The following LSAMP variants were observed in gnomAD, a reference collection of about 807,000 sequenced individuals.
LSAMP encodes the protein limbic system associated membrane protein, also known as limbic system-associated membrane protein.
LSAMP carries 7 observed loss-of-function variants against 38.6 expected under a neutral mutation model. The ratio of observed to expected loss-of-function variants is 0.18; its 90% confidence interval spans 0.10 to 0.34. The LOEUF (loss-of-function observed/expected upper bound fraction) is 0.34, where lower values mean the gene tolerates loss of function less well. Among genes scored for constraint, LSAMP ranks in the 10% least tolerant of loss-of-function variants. The pLI is 1.00. For missense variants in LSAMP, 313 were observed against 420.0 expected, an observed-to-expected ratio of 0.75 and a Z score of 2.23; for synonymous variants, 154 against 166.8, an observed-to-expected ratio of 0.92 and a Z score of 0.59.
chr3:116,140,664 C>T (rs1709349560), intron 1 of LSAMP, among the ~76,000 whole-genome samples: 2 of 151,922 alleles, frequency 1.3e-5, no homozygotes, highest in South Asian at 4.1e-4. Flanking sequence ...AATGCAACAA[C>T]ATTGATATTT....
At chr3:115,900,250 C>T (rs542050020) in intron 3 of LSAMP, among the ~76,000 whole-genome samples, 2 of 152,254 alleles carry the variant, frequency 1.3e-5, no homozygotes, top group East Asian at 1.9e-4. Context: ...CGTGGTGGCT[C>T]ATGCCTGTAA....
chr3:116,237,082 T>C (rs992444047), intron 1 of LSAMP, among the ~76,000 whole-genome samples: 7 of 152,052 alleles, frequency 4.6e-5, no homozygotes, highest in Admixed American at 1.3e-4. Context: ...TTTCTGATCA[T>C]GACATCAAAA....
At chr3:116,052,873 G>A (rs1452357628) in intron 2 of LSAMP, among the ~76,000 whole-genome samples, 1 of 152,204 alleles carries the variant, frequency 6.6e-6, no homozygotes, top group African/African-American at 2.4e-5. Context: ...ACCTGGTGCA[G>A]AGAATCAACC....
intron 3 of LSAMP, among the ~76,000 whole-genome samples, chr3:115,972,038 G>C (rs957147403): frequency 6.6e-6 from 1 of 151,860 alleles, no homozygotes; most frequent in Non-Finnish European, 1.5e-5. Flanking sequence ...CATTTCATTA[G>C]GTTTAGCACA....
chr3:116,184,500 A>AG (rs933694271), intron 1 of LSAMP, among the ~76,000 whole-genome samples: 1 of 151,984 alleles, frequency 6.6e-6, no homozygotes, highest in African/African-American at 2.4e-5. Context: ...AGGAAGAATA[A>AG]GGGAGTCAAA....
intron 1 of LSAMP, among the ~76,000 whole-genome samples, chr3:116,146,546 GA>G (rs1010484397): frequency 4.6e-5 from 7 of 151,536 alleles, no homozygotes; most frequent in Non-Finnish European, 1.0e-4. Context: ...TGAGAGCAGA[GA>G]AAAAAAATCT....
chr3:115,897,851 C>A (rs926748197), intron 3 of LSAMP, among the ~76,000 whole-genome samples: 16 of 152,086 alleles, frequency 1.1e-4, no homozygotes, highest in African/African-American at 3.9e-4. Flanking sequence ...CCTCCAATTT[C>A]CTATGTTAAT....
chr3:115,820,527 G>A (rs538246300), intron 6 of LSAMP, among the ~76,000 whole-genome samples: 83 of 152,268 alleles, frequency 5.5e-4, no homozygotes, highest in Non-Finnish European at 9.4e-4. Context: ...CAAGTGCCTC[G>A]AGACATTTAT....
At chr3:115,899,147 G>A (rs1207430021) in intron 3 of LSAMP, among the ~76,000 whole-genome samples, 3 of 152,102 alleles carry the variant, frequency 2.0e-5, no homozygotes, top group Non-Finnish European at 2.9e-5. Context: ...TGAAACAGAA[G>A]CAGATGTATT....
At chr3:115,980,177 A>C (rs1409459753) in intron 3 of LSAMP, among the ~76,000 whole-genome samples, 3 of 152,158 alleles carry the variant, frequency 2.0e-5, no homozygotes, top group Non-Finnish European at 4.4e-5. Flanking sequence ...ATATTCTTTC[A>C]AGTTTTCAGA....
At chr3:116,358,826 TAGAA>T (rs1333023698) in intron 1 of LSAMP, among the ~76,000 whole-genome samples, 54 of 152,174 alleles carry the variant, frequency 3.5e-4, no homozygotes, top group Admixed American at 1.5e-3. Context: ...TATGTACAAA[TAGAA>T]AGCTAAAAAT....
chr3:115,939,357 A>G lies in LSAMP; in HGVS notation c.514+80158T>C, dbSNP rs374485939. ...TGCAGCATTGTACTTTATTCACAAC[A>G]TTAGATGGCAGCCTAAAGGGTAATA... On this transcript the variant is annotated intron_variant, in intron 3 of 6. Coordinates refer to ENST00000490035, the MANE Select transcript of LSAMP (RefSeq NM_002338.5). 3.9e-5 allele frequency among the ~76,000 whole-genome samples: 6 copies of G among 152,258 alleles called. No individual in the cohort carries two copies. The East Asian group carries it at 9.6e-4, about 24-fold the overall frequency.
chr3:116,040,223 G>C (rs1296025512), intron 2 of LSAMP, among the ~76,000 whole-genome samples: 1 of 152,180 alleles, frequency 6.6e-6, no homozygotes, highest in African/African-American at 2.4e-5. Context: ...TATTTCTATA[G>C]ATGGAAGAAA....
At chr3:116,166,033 C>T (rs368534010) in intron 1 of LSAMP, among the ~76,000 whole-genome samples, 3 of 152,192 alleles carry the variant, frequency 2.0e-5, no homozygotes, top group African/African-American at 7.2e-5. Flanking sequence ...ATAGAGAATG[C>T]TAATTGTGGT....
intron 3 of LSAMP, among the ~76,000 whole-genome samples, chr3:116,007,856 T>A (rs1321610037): frequency 1.3e-5 from 2 of 152,164 alleles, no homozygotes; most frequent in Non-Finnish European, 2.9e-5. Context: ...CTGAAGGGCA[T>A]GTTAAGCTAC....
chr3:115,864,347 C>T (rs1436495828), intron 3 of LSAMP, among the ~76,000 whole-genome samples: 3 of 152,184 alleles, frequency 2.0e-5, no homozygotes, highest in Non-Finnish European at 2.9e-5. Context: ...AAATTATAAA[C>T]TTGACCCATC....
chr3:115,843,196 C>T (rs974151273), intron 4 of LSAMP, among the ~76,000 whole-genome samples: 4 of 152,138 alleles, frequency 2.6e-5, no homozygotes, highest in South Asian at 2.1e-4. Context: ...TGTGGGGGTA[C>T]GGTTTAAAGT....
chr3:116,023,701 TC>T (rs1940704330), intron 2 of LSAMP, among the ~76,000 whole-genome samples: 1 of 152,088 alleles, frequency 6.6e-6, no homozygotes, highest in African/African-American at 2.4e-5. Context: ...GATATTTTTT[TC>T]CTAAATTGCA....
At chr3:116,043,927 A>G (rs572617484) in intron 2 of LSAMP, among the ~76,000 whole-genome samples, 3 of 152,216 alleles carry the variant, frequency 2.0e-5, no homozygotes, top group African/African-American at 7.2e-5. Flanking sequence ...GCCTGGGCGA[A>G]AGAGCGAGAC....
Sources: gnomAD v4.1 joint callset for allele counts (sites outside exome capture counted in the v4.1 genomes callset) on GRCh38, gnomAD v4.1.1 for gene constraint, MANE v1.5 for transcripts, NCBI Gene and HGNC (gene_info 2026-07-23, HGNC 2026-07-21) for gene names.